ADGRB3: variants seen among roughly 807,000 people sequenced by gnomAD.
ADGRB3 encodes adhesion G protein-coupled receptor B3, also known as brain-specific angiogenesis inhibitor 3.
Under a neutral mutation model 193.4 loss-of-function variants are expected in ADGRB3, and 37 were observed. The ratio of observed to expected loss-of-function variants is 0.19; its 90% CI spans 0.15 to 0.25. ADGRB3 has a LOEUF of 0.25. Ranked by LOEUF, ADGRB3 falls within the 10% of genes least tolerant of loss-of-function variation. ADGRB3 has a pLI of 1.00. For missense variants in ADGRB3, 1,637 were observed against 1,852.9 expected (o/e 0.88, Z 2.14); for synonymous variants, 690 against 644.2 (o/e 1.07, Z -1.08).
At chr6:69,106,194 GAA>G (rs1773209967) in intron 17 of ADGRB3, among the ~76,000 whole-genome samples, 7 of 113,430 alleles carry the variant, frequency 6.2e-5, no homozygotes, top group South Asian at 3.1e-4. Flanking sequence ...GAAAAGAAAA[GAA>G]AAAAGAAAAG....
intron 17 of ADGRB3, among the ~76,000 whole-genome samples, chr6:69,155,674 G>T (rs889311742): frequency 1.3e-5 from 2 of 152,186 alleles, no homozygotes; most frequent in Admixed American, 1.3e-4. Context: ...TGTTGGAGCT[G>T]TTTCTAAAGC....
intron 3 of ADGRB3, among the ~76,000 whole-genome samples, chr6:68,664,075 G>A (rs983350962): frequency 5.3e-5 from 8 of 151,724 alleles, no homozygotes; most frequent in Admixed American, 6.6e-5. Context: ...AATGATATTT[G>A]TCGTTTTTAA....
At chr6:68,896,748 A>C (rs948022948) in intron 3 of ADGRB3, among the ~76,000 whole-genome samples, 1 of 152,164 alleles carries the variant, frequency 6.6e-6, no homozygotes, top group South Asian at 2.1e-4. Context: ...GTAGCATTCT[A>C]AATCATCGCC....
chr6:69,175,949 T>G (rs573618808), intron 17 of ADGRB3, among the ~76,000 whole-genome samples: 1 of 152,210 alleles, frequency 6.6e-6, no homozygotes, highest in African/African-American at 2.4e-5. Flanking sequence ...ATACAAGTTA[T>G]TGGTGTATAG....
chr6:69,225,520 T>C (rs1765990545), intron 17 of ADGRB3, among the ~76,000 whole-genome samples: 1 of 152,174 alleles, frequency 6.6e-6, no homozygotes, highest in Non-Finnish European at 1.5e-5. Flanking sequence ...TGAGCTCAAT[T>C]CCTGGCACAA....
chr6:69,109,285 G>A (rs900558473), intron 17 of ADGRB3, among the ~76,000 whole-genome samples: 15 of 152,134 alleles, frequency 9.9e-5, no homozygotes, highest in African/African-American at 3.6e-4. Context: ...GAGGGATGTA[G>A]AAGTTCCTTC....
chr6:69,364,398 G>C (rs991182864), intron 29 of ADGRB3, among the ~76,000 whole-genome samples: 1 of 151,956 alleles, frequency 6.6e-6, no homozygotes, highest in Non-Finnish European at 1.5e-5. Flanking sequence ...GAAAGAAGGA[G>C]GCTCCCCAAC....
intron 13 of ADGRB3, among the ~76,000 whole-genome samples, chr6:69,032,230 C>A (rs1186311982): frequency 1.3e-5 from 2 of 152,176 alleles, no homozygotes; most frequent in Non-Finnish European, 2.9e-5. Flanking sequence ...CCGAGATAAA[C>A]TCCTTCAAAA....
At chr6:69,226,732 A>C (rs1221443626) in intron 17 of ADGRB3, among the ~76,000 whole-genome samples, 1 of 152,242 alleles carries the variant, frequency 6.6e-6, no homozygotes, top group Admixed American at 6.5e-5. Context: ...CATCTGGTAT[A>C]ATTAAAGAGG....
At chr6:68,965,103 T>C (rs1215463701) in intron 8 of ADGRB3, among the ~76,000 whole-genome samples, 1 of 152,200 alleles carries the variant, frequency 6.6e-6, no homozygotes, top group African/African-American at 2.4e-5. Context: ...TTAAAATATA[T>C]AACACAGTAA....
chr6:68,920,393 C>T (rs1932610), intron 3 of ADGRB3, among the ~76,000 whole-genome samples: 95,541 of 150,672 alleles, frequency 0.63, 31,669 homozygotes, highest in Middle Eastern at 0.82. Context: ...GTGGTGGGCT[C>T]TGTGGTCCCA....
chr6:69,093,521 G>T (rs920070081), intron 17 of ADGRB3, among the ~76,000 whole-genome samples: 7 of 151,738 alleles, frequency 4.6e-5, no homozygotes, highest in Non-Finnish European at 7.4e-5. Context: ...GGCAGCCTAG[G>T]TTCAGGGGGA....
chr6:68,885,277 A>G (rs1001036630), intron 3 of ADGRB3, among the ~76,000 whole-genome samples: 1 of 152,162 alleles, frequency 6.6e-6, no homozygotes, highest in African/African-American at 2.4e-5. Context: ...ATTTGGTGAA[A>G]TGATTAGAAG....
intron 17 of ADGRB3, among the ~76,000 whole-genome samples, chr6:69,230,832 G>A (rs546024771): frequency 6.6e-6 from 1 of 152,184 alleles, no homozygotes; most frequent in East Asian, 1.9e-4. Context: ...ATGCAGTATT[G>A]TGTTTTATAT....
intron 6 of ADGRB3, among the ~76,000 whole-genome samples, chr6:68,955,251 C>T (rs559081953): frequency 6.6e-6 from 1 of 152,306 alleles, no homozygotes; most frequent in East Asian, 1.9e-4. Context: ...GAAAGACTCT[C>T]TGGACCTTCC....
At chr6:68,861,378 G>A (rs771055893) in intron 3 of ADGRB3, among the ~76,000 whole-genome samples, 37 of 152,074 alleles carry the variant, frequency 2.4e-4, no homozygotes, top group East Asian at 9.7e-4. Context: ...CTGAGACCAC[G>A]GTGAAACCCC....
chr6:69,192,923 T>C (rs1765223255), intron 17 of ADGRB3, among the ~76,000 whole-genome samples: 1 of 152,146 alleles, frequency 6.6e-6, no homozygotes, highest in Non-Finnish European at 1.5e-5. Context: ...CAAATTCAGT[T>C]AGTGTGAGGG....
At chr6:69,177,449 C>T (rs774284797) in intron 17 of ADGRB3, among the ~76,000 whole-genome samples, 7 of 152,206 alleles carry the variant, frequency 4.6e-5, no homozygotes, top group Non-Finnish European at 7.4e-5. Flanking sequence ...CTCTGCCTCC[C>T]GGGTTCACAC....
At chr6:69,073,921 A>G (rs1772152169) in intron 16 of ADGRB3, among the ~76,000 whole-genome samples, 1 of 152,076 alleles carries the variant, frequency 6.6e-6, no homozygotes, top group African/African-American at 2.4e-5. Context: ...ACATTCAATC[A>G]GGTTCTGTGT....
Sources: allele counts gnomAD v4.1 joint callset (sites outside exome capture counted in the v4.1 genomes callset), GRCh38; gene constraint gnomAD v4.1.1; transcripts MANE v1.5; gene names NCBI Gene and HGNC (gene_info 2026-07-23, HGNC 2026-07-21).